Variants in FOXK2 observed in about 807,000 individuals in gnomAD.
FOXK2 encodes forkhead box K2.
A neutral mutation model predicts 53.3 loss-of-function variants in FOXK2; 24 were observed. The observed-to-expected ratio is 0.45, with a 90% confidence interval of 0.33 to 0.63. The LOEUF (loss-of-function observed/expected upper bound fraction) is 0.63, where lower values mean the gene tolerates loss of function less well. Ranked by LOEUF, FOXK2 falls within the 30% of genes least tolerant of loss-of-function variation. The pLI, the probability that FOXK2 is intolerant of heterozygous loss-of-function variation, is 0.03. For missense variants in FOXK2, 952 were observed against 910.5 expected, an observed-to-expected ratio of 1.05 and a Z score of -0.59; for synonymous variants, 505 against 407.1, an observed-to-expected ratio of 1.24 and a Z score of -2.89.
Position 82,602,606 on chromosome 17 carries a change from C to A in FOXK2, c.*1107C>A, listed in dbSNP as rs916169720. On this transcript the variant is annotated 3_prime_UTR_variant, in exon 9 of 9. Transcript: ENST00000335255. ...TGGTGGAGCAGGGTCCGAGCCACGTCCTGCAGGGCACGTCTGGGGCATTTC... is the reference window on the plus strand; with the variant it reads ...TGGTGGAGCAGGGTCCGAGCCACGTACTGCAGGGCACGTCTGGGGCATTTC... The A allele has an allele frequency of 7.9e-5, 12 of 152,314 alleles. No homozygotes were observed. The highest frequency in any genetic ancestry group is 6.5e-5 in the Admixed American group (1 of 15,288). The allele number at this position is 152,314 out of a possible 1,614,324, so 9.4% of individuals were successfully genotyped here.
chr17:82,568,515 G>A (rs1054906500), intron 3 of FOXK2, among the ~76,000 whole-genome samples: 5 of 152,310 alleles, frequency 3.3e-5, no homozygotes, highest in Non-Finnish European at 7.4e-5. Flanking sequence ...TGTTTGTGCC[G>A]GAGTTTATCC....
At chr17:82,569,395 T>A (rs1409934917) in intron 3 of FOXK2, among the ~76,000 whole-genome samples, 1 of 152,186 alleles carries the variant, frequency 6.6e-6, no homozygotes, top group Non-Finnish European at 1.5e-5. Flanking sequence ...TGCAGCCAAG[T>A]GGTAAAACGT....
In FOXK2 at chr17:82,562,746, A is replaced by G. The variant is rs2044810255; in HGVS notation, c.420-608A>G. On this transcript the variant is annotated intron_variant, in intron 1 of 8. Transcript: ENST00000335255. ...CTACTATAAGACCCAAAACATATTC[A>G]GGCACTTAGTTTAAAAGCAGTCATG... Among the ~76,000 whole-genome samples, 4 of 151,742 alleles carry G rather than the reference A, an allele frequency of 2.6e-5. 1 individual carries two copies. The highest frequency in any genetic ancestry group is 2.6e-4 in the Admixed American group (4 of 15,234).
rs564599482 is a variant in FOXK2 at position 82,573,149 on chromosome 17, C to T, written c.909+1279C>T. Among the ~76,000 whole-genome samples the T allele has an allele frequency of 2.5e-3, 379 of 152,066 alleles. 3 individuals are homozygous for T. The highest frequency in any genetic ancestry group is 8.5e-3 in the African/African-American group (352 of 41,482). ...CAGAGGTTACAGATATCTGTGATCA[C>T]ACCACTGCACTCCAGCCTGGGTGAC... is the stretch of plus-strand genomic sequence containing the variant. On this transcript the variant is annotated intron_variant, in intron 4 of 8. Coordinates refer to ENST00000335255, the MANE Select transcript of FOXK2 (RefSeq NM_004514.4).
intron 4 of FOXK2, chr17:82,577,304 A>T: frequency 9.3e-7 from 1 of 1,074,310 alleles, no homozygotes; most frequent in Non-Finnish European, 1.4e-6. Context: ...ATCCATGATA[A>T]CGTTCTCTAA....
intron 8 of FOXK2, among the ~76,000 whole-genome samples, chr17:82,590,366 TGC>T (rs2045240919): frequency 2.0e-5 from 3 of 152,162 alleles, no homozygotes; most frequent in African/African-American, 7.2e-5. Context: ...ATGTTGCCCA[TGC>T]TGGTCTCAAG....
chr17:82,594,502 A>G (rs2143163760), intron 8 of FOXK2, among the ~76,000 whole-genome samples: 1 of 151,980 alleles, frequency 6.6e-6, no homozygotes, highest in East Asian at 1.9e-4. Flanking sequence ...TCTCAAAAAA[A>G]AAAAAAAAAA....
At chr17:82,525,882 G>A (rs2044412313) in intron 1 of FOXK2, among the ~76,000 whole-genome samples, 2 of 151,968 alleles carry the variant, frequency 1.3e-5, no homozygotes, top group Admixed American at 1.3e-4. Flanking sequence ...TACGTGGCCT[G>A]AATCCCACAC....
At chr17:82,522,139 G>C (rs1599873975) in intron 1 of FOXK2, among the ~76,000 whole-genome samples, 1 of 134,168 alleles carries the variant, frequency 7.5e-6, no homozygotes, top group South Asian at 2.4e-4. Context: ...GTTTGTTTTT[G>C]ATTTTGAGAC....
At chr17:82,568,430 T>C (rs1471167014) in intron 3 of FOXK2, among the ~76,000 whole-genome samples, 1 of 152,226 alleles carries the variant, frequency 6.6e-6, no homozygotes, top group East Asian at 1.9e-4. Flanking sequence ...CCCTAATAGC[T>C]GTAGGCCCAG....
At chr17:82,582,974 A>G in intron 5 of FOXK2, 40 bp downstream of exon 5, 2 of 1,411,070 alleles carry the variant, frequency 1.4e-6, no homozygotes, top group Admixed American at 2.6e-5. Context: ...CTTCGTGCTT[A>G]CTAAACTTAC....
intron 1 of FOXK2, among the ~76,000 whole-genome samples, chr17:82,552,733 C>T (rs2144095222): frequency 6.6e-6 from 1 of 152,168 alleles, no homozygotes; most frequent in South Asian, 2.1e-4. Flanking sequence ...TCGTTTTGTG[C>T]CGTGGACAAT....
intron 1 of FOXK2, among the ~76,000 whole-genome samples, chr17:82,526,568 C>T (rs933149170): frequency 1.3e-5 from 2 of 152,082 alleles, no homozygotes; most frequent in Admixed American, 6.6e-5. Context: ...CGGTGGCTCA[C>T]GCCTGTGATC....
rs759987505 is a variant in FOXK2, at chr17:82,587,127, G to C, written c.1641G>C (p.Gln547His). Residue 547 changes from glutamine (Q) to histidine (H), a missense_variant, in exon 8 of 9, where the codon CAG becomes CAC. Coordinates refer to ENST00000335255, the MANE Select transcript of FOXK2 (RefSeq NM_004514.4). Reference protein sequence around the residue: ...ATLGTASRIIQTAQTTPVQTV... With the variant: ...ATLGTASRIIHTAQTTPVQTV... Reference sequence around the variant, plus strand: ...TCGGCACTGCCAGCCGGATCATTCAGACGGCACAGACCACCCCGGTCCAGA... The same window carrying C: ...TCGGCACTGCCAGCCGGATCATTCACACGGCACAGACCACCCCGGTCCAGA... 5 of 1,613,084 alleles carry C rather than the reference G, an allele frequency of 3.1e-6. No homozygotes were observed. In the South Asian group the frequency reaches 4.4e-5, roughly 14 times the overall value.
intron 2 of FOXK2, among the ~76,000 whole-genome samples, chr17:82,566,963 T>C (rs1476949528): frequency 6.6e-6 from 1 of 152,216 alleles, no homozygotes; most frequent in Non-Finnish European, 1.5e-5. Context: ...ATGCTTTTTC[T>C]CCAGTGCTTT....
At chr17:82,601,234 A>C (rs2045379236) in intron 8 of FOXK2, 69 bp from the exon 9 acceptor site, 11 of 1,509,820 alleles carry the variant, frequency 7.3e-6, no homozygotes, top group East Asian at 2.3e-5. Context: ...TTCACGTGAG[A>C]GCGTGGGGTT....
intron 2 of FOXK2, among the ~76,000 whole-genome samples, chr17:82,565,425 G>A (rs976842307): frequency 6.6e-6 from 1 of 152,110 alleles, no homozygotes; most frequent in Non-Finnish European, 1.5e-5. Flanking sequence ...CATCTGACAA[G>A]GGATTAATAT....
At chr17:82,586,790 A>G (rs934134352) in intron 7 of FOXK2, among the ~76,000 whole-genome samples, 3 of 152,068 alleles carry the variant, frequency 2.0e-5, no homozygotes, top group Admixed American at 6.5e-5. Flanking sequence ...AATCCCAGCT[A>G]CTCGGGAGGC....
At chr17:82,594,370 C>A (rs1598239540) in intron 8 of FOXK2, among the ~76,000 whole-genome samples, 1 of 151,996 alleles carries the variant, frequency 6.6e-6, no homozygotes, top group East Asian at 1.9e-4. Context: ...TGGTGGCGGG[C>A]GCCTGTAGTC....
Sources: gnomAD v4.1 joint callset for allele counts (sites outside exome capture counted in the v4.1 genomes callset) on GRCh38, gnomAD v4.1.1 for gene constraint, MANE v1.5 for transcripts, NCBI Gene and HGNC (gene_info 2026-07-23, HGNC 2026-07-21) for gene names.